NAALADL2: variants seen among roughly 807,000 people sequenced by gnomAD.
NAALADL2 encodes N-acetylated alpha-linked acidic dipeptidase like 2, also known as inactive N-acetylated-alpha-linked acidic dipeptidase-like protein 2.
In NAALADL2, 76 loss-of-function variants were observed where a neutral mutation model predicts 87.2. The ratio of observed to expected loss-of-function variants is 0.87; its 90% CI spans 0.72 to 1.05. The LOEUF (loss-of-function observed/expected upper bound fraction) is 1.05, where lower values mean the gene tolerates loss of function less well. NAALADL2 is among the 50% of genes least tolerant of loss of function. The probability of loss-of-function intolerance (pLI) is 0.00; values close to 1 mark genes in which losing one functional copy is unlikely to be tolerated. For missense variants in NAALADL2, 1,089 were observed against 945.8 expected, an observed-to-expected ratio of 1.15 and a Z score of -1.99; for synonymous variants, 354 against 331.0, an observed-to-expected ratio of 1.07 and a Z score of -0.75.
At chr3:175,551,964 C>T (rs1321478771) in intron 9 of NAALADL2, among the ~76,000 whole-genome samples, 1 of 151,248 alleles carries the variant, frequency 6.6e-6, no homozygotes, top group Non-Finnish European at 1.5e-5. Flanking sequence ...AGGTTATCCC[C>T]TAGTATATTC....
chr3:174,834,594 A>C (rs964578476), intron 3 of NAALADL2, among the ~76,000 whole-genome samples: 2 of 152,042 alleles, frequency 1.3e-5, no homozygotes, highest in African/African-American at 4.8e-5. Context: ...AAGCAAATTT[A>C]GCAAAGTCAC....
chr3:175,461,083 T>C (rs540348462), intron 6 of NAALADL2, among the ~76,000 whole-genome samples: 1 of 152,158 alleles, frequency 6.6e-6, no homozygotes, highest in Non-Finnish European at 1.5e-5. Context: ...TTTAGCTAGA[T>C]ACAGAGCGCT....
At chr3:174,832,184 G>T (rs922709491) in intron 3 of NAALADL2, among the ~76,000 whole-genome samples, 1 of 151,940 alleles carries the variant, frequency 6.6e-6, no homozygotes, top group Non-Finnish European at 1.5e-5. Context: ...TTTTCTAGTT[G>T]TTTTAATTGT....
At chr3:174,841,697 C>A (rs1724041455) in intron 3 of NAALADL2, among the ~76,000 whole-genome samples, 1 of 152,146 alleles carries the variant, frequency 6.6e-6, no homozygotes, top group African/African-American at 2.4e-5. Flanking sequence ...GCCAATAATA[C>A]CATTTGAACA....
At chr3:175,602,467 T>C (rs554180848) in intron 10 of NAALADL2, among the ~76,000 whole-genome samples, 3 of 142,378 alleles carry the variant, frequency 2.1e-5, no homozygotes, top group African/African-American at 8.2e-5. Context: ...TCTATATATA[T>C]AGAGAGAGAG....
intron 2 of NAALADL2, among the ~76,000 whole-genome samples, chr3:174,605,094 A>G (rs1257053242): frequency 6.6e-6 from 1 of 152,174 alleles, no homozygotes; most frequent in Non-Finnish European, 1.5e-5. Context: ...GTAGCTTGCA[A>G]ATACCATCTT....
chr3:174,957,525 G>T (rs1404515851), intron 1 of NAALADL2, among the ~76,000 whole-genome samples: 1 of 151,980 alleles, frequency 6.6e-6, no homozygotes, highest in Non-Finnish European at 1.5e-5. Context: ...CCTAAGCTGT[G>T]GGGGTATATC....
intron 11 of NAALADL2, among the ~76,000 whole-genome samples, chr3:175,652,920 A>G (rs1319970954): frequency 6.6e-6 from 1 of 152,160 alleles, no homozygotes; most frequent in Non-Finnish European, 1.5e-5. Context: ...AAACTTAACT[A>G]CTAATAGCCT....
rs78882440 is a variant in NAALADL2, at chr3:174,489,593, G to C, written c.-184+48561G>C. On this transcript the variant is annotated intron_variant, in intron 1 of 3. Coordinates refer to the NAALADL2 transcript ENST00000434257. ...AAATGTTAGCAAATTATATCTTTAA[G>C]AAGGGACTTGTATCTAAAATATATT... 2.5e-3 allele frequency among the ~76,000 whole-genome samples: 377 copies of C among 152,094 alleles called. 3 individuals carry two copies. Among genetic ancestry groups the C allele is most frequent in the African/African-American group, 8.6e-3 (355 of 41,512 alleles).
intron 12 of NAALADL2, among the ~76,000 whole-genome samples, chr3:175,748,406 A>C (rs1746200881): frequency 6.6e-6 from 1 of 152,216 alleles, no homozygotes; most frequent in African/African-American, 2.4e-5. Flanking sequence ...TTTTAAGATG[A>C]CATTAGGTAA....
chr3:174,561,973 T>C (rs1317847958), intron 2 of NAALADL2, among the ~76,000 whole-genome samples: 1 of 152,184 alleles, frequency 6.6e-6, no homozygotes, highest in Non-Finnish European at 1.5e-5. Context: ...AATCCTATTT[T>C]CAAAATATTT....
At chr3:175,011,984 A>G (rs1471487743) in intron 1 of NAALADL2, among the ~76,000 whole-genome samples, 1 of 152,184 alleles carries the variant, frequency 6.6e-6, no homozygotes, top group Non-Finnish European at 1.5e-5. Flanking sequence ...TTTCATTGCA[A>G]AAACCTAATC....
chr3:175,271,571 C>A (rs1752844887), intron 4 of NAALADL2, among the ~76,000 whole-genome samples: 1 of 152,246 alleles, frequency 6.6e-6, no homozygotes, highest in South Asian at 2.1e-4. Context: ...GTGGGTGGAT[C>A]ACCTGAGGTC....
chr3:175,551,640 C>G (rs1197756995), intron 9 of NAALADL2, among the ~76,000 whole-genome samples: 2 of 152,176 alleles, frequency 1.3e-5, no homozygotes, highest in Non-Finnish European at 2.9e-5. Context: ...TGACTCACGC[C>G]TGTAATCCCA....
intron 5 of NAALADL2, among the ~76,000 whole-genome samples, chr3:175,415,210 G>A (rs1714370480): frequency 6.6e-6 from 1 of 152,122 alleles, no homozygotes; most frequent in Admixed American, 6.5e-5. Flanking sequence ...TGGTGCAAAA[G>A]TAATTGTGGT....
At chr3:175,596,430 C>T (rs911261925) in intron 10 of NAALADL2, among the ~76,000 whole-genome samples, 13 of 151,934 alleles carry the variant, frequency 8.6e-5, no homozygotes, top group East Asian at 1.9e-4. Flanking sequence ...ACAGAAGGCA[C>T]GTCCTTATCC....
At chr3:174,732,952 G>A (rs898420697) in intron 2 of NAALADL2, among the ~76,000 whole-genome samples, 3 of 152,062 alleles carry the variant, frequency 2.0e-5, no homozygotes, top group African/African-American at 7.2e-5. Flanking sequence ...GCCACCATCA[G>A]AATTAAAGAT....
chr3:174,918,590 G>C (rs1384527499), intron 1 of NAALADL2, among the ~76,000 whole-genome samples: 1 of 152,114 alleles, frequency 6.6e-6, no homozygotes, highest in Admixed American at 6.6e-5. Context: ...CTTTAAGATG[G>C]CCTCAGCTGG....
At chr3:175,027,423 T>A (rs966172220) in intron 1 of NAALADL2, among the ~76,000 whole-genome samples, 1 of 152,030 alleles carries the variant, frequency 6.6e-6, no homozygotes, top group Non-Finnish European at 1.5e-5. Context: ...AAAAAAACAA[T>A]GATTTTACTA....
Sources: allele counts gnomAD v4.1 joint callset (sites outside exome capture counted in the v4.1 genomes callset), GRCh38; gene constraint gnomAD v4.1.1; transcripts MANE v1.5; gene names NCBI Gene and HGNC (gene_info 2026-07-23, HGNC 2026-07-21).